The following APPBP2 variants were observed in gnomAD, a reference collection of about 807,000 sequenced individuals.
APPBP2 encodes the protein amyloid beta precursor protein binding protein 2.
In APPBP2, 15 loss-of-function variants were observed where a neutral mutation model predicts 76.0. That is an observed-to-expected ratio of 0.20 (90% CI 0.13 to 0.30). The LOEUF (loss-of-function observed/expected upper bound fraction) is 0.30. Among genes scored for constraint, APPBP2 ranks in the 10% least tolerant of loss-of-function variants. The pLI is 1.00. For synonymous variants in APPBP2, 222 were observed against 242.2 expected (o/e 0.92, Z 0.77); for missense variants, 401 against 687.2 (o/e 0.58, Z 4.66).
At chr17:60,487,998 A>T (rs554834629) in intron 3 of APPBP2, among the ~76,000 whole-genome samples, 1 of 152,344 alleles carries the variant, frequency 6.6e-6, no homozygotes, top group South Asian at 2.1e-4. Flanking sequence ...TCCACTCCAG[A>T]CCTTACTTGC....
At chr17:60,496,741 G>T (rs2090778576) in intron 2 of APPBP2, among the ~76,000 whole-genome samples, 1 of 151,712 alleles carries the variant, frequency 6.6e-6, no homozygotes, top group Non-Finnish European at 1.5e-5. Context: ...TTTTTTTTGA[G>T]ACAGAGTCTC....
chr17:60,477,636 A>T (rs1331793002), intron 4 of APPBP2: 1 of 152,152 alleles, frequency 6.6e-6, no homozygotes, highest in Non-Finnish European at 1.5e-5. Context: ...AATTTATCAT[A>T]CACTTCCAAA....
chr17:60,485,872 T>G (rs139653067), intron 3 of APPBP2, among the ~76,000 whole-genome samples: 524 of 152,356 alleles, frequency 3.4e-3, no homozygotes, highest in African/African-American at 9.2e-3. Context: ...CAGCTTTAAA[T>G]GTGTCCCAGA....
intron 3 of APPBP2, among the ~76,000 whole-genome samples, chr17:60,481,318 C>CA (rs1207445331): frequency 1.3e-5 from 2 of 152,144 alleles, no homozygotes; most frequent in African/African-American, 4.8e-5. Flanking sequence ...AGGCCAGGTA[C>CA]AGTGGCTCAT....
intron 1 of APPBP2, 85 bp from the exon 2 acceptor site, chr17:60,500,572 T>A: frequency 2.1e-6 from 2 of 956,234 alleles, no homozygotes; most frequent in Non-Finnish European, 3.2e-6. Flanking sequence ...GTAATTTGAT[T>A]AATTTCAGGA....
chr17:60,482,812 T>G (rs1567929058), intron 3 of APPBP2, among the ~76,000 whole-genome samples: 2 of 152,228 alleles, frequency 1.3e-5, no homozygotes, highest in South Asian at 4.1e-4. Context: ...TGCACCACAT[T>G]TTCTTAATCC....
intron 3 of APPBP2, among the ~76,000 whole-genome samples, chr17:60,479,648 T>A (rs1049319842): frequency 6.6e-6 from 1 of 152,182 alleles, no homozygotes; most frequent in African/African-American, 2.4e-5. Flanking sequence ...ATATACTTAG[T>A]ATAGCAGCAC....
At chr17:60,496,441 C>T (rs1241499462) in intron 2 of APPBP2, 1 of 152,148 alleles carries the variant, frequency 6.6e-6, no homozygotes, top group African/African-American at 2.4e-5. Flanking sequence ...TGAAAGATAA[C>T]CTAAGAGATG....
chr17:60,519,658 G>A (rs916533389), intron 1 of APPBP2, among the ~76,000 whole-genome samples: 1 of 151,306 alleles, frequency 6.6e-6, no homozygotes, highest in East Asian at 1.9e-4. Flanking sequence ...AGGAGGACTT[G>A]TCTCTTAAAA....
chr17:60,525,251 T>C (rs538980275), intron 1 of APPBP2, among the ~76,000 whole-genome samples: 6 of 151,842 alleles, frequency 4.0e-5, no homozygotes, highest in Non-Finnish European at 7.4e-5. Context: ...AATATGCAAA[T>C]AAAACACACA....
intron 1 of APPBP2, among the ~76,000 whole-genome samples, chr17:60,519,129 A>T (rs1296983539): frequency 4.8e-5 from 7 of 147,086 alleles, no homozygotes; most frequent in African/African-American, 1.0e-4. Context: ...ACCTGAATAA[A>T]TTTTTTTTTT....
chr17:60,497,103 T>C (rs555133606), intron 2 of APPBP2, among the ~76,000 whole-genome samples: 1 of 152,328 alleles, frequency 6.6e-6, no homozygotes, highest in East Asian at 1.9e-4. Context: ...TACTCACTGC[T>C]ATGGCCCCAG....
intron 5 of APPBP2, 88 bp from the exon 6 acceptor site, chr17:60,464,198 G>C (rs2090494891): frequency 2.2e-6 from 2 of 902,432 alleles, no homozygotes; most frequent in South Asian, 1.5e-5. Context: ...TTTTCTACAA[G>C]CACTTAAATA....
In APPBP2 at chr17:60,506,657, A is replaced by G. The variant is rs146105103; in HGVS notation, c.139-6170T>C. ...ATTATTCCATCACACTCTACATTCT[A>G]TGAGGTGACTACAGTCACCACTATA... On this transcript the variant is annotated intron_variant, in intron 1 of 12. Coordinates refer to ENST00000083182, the MANE Select transcript of APPBP2 (RefSeq NM_006380.5). Among the ~76,000 whole-genome samples, 23 of 152,290 alleles carry G rather than the reference A, an allele frequency of 1.5e-4. No homozygotes were observed. The East Asian group carries it at 4.1e-3, about 27-fold the overall frequency.
intron 4 of APPBP2, among the ~76,000 whole-genome samples, chr17:60,473,340 G>A (rs959102249): frequency 6.6e-6 from 1 of 152,102 alleles, no homozygotes; most frequent in Non-Finnish European, 1.5e-5. Flanking sequence ...CCACTAAGAT[G>A]AGAACTCTGT....
rs1375215739 is a variant in APPBP2 at position 60,525,911 on chromosome 17, C to T, written c.21G>A (p.Glu7=). 1.9e-6 allele frequency: 3 copies of T among 1,613,586 alleles called. No individual in the cohort carries two copies. The highest frequency in any genetic ancestry group is 1.3e-5 in the African/African-American group (1 of 74,900). ...TGTTATAGAGAGTCTCTGGGATCCA[C>T]TCTAGTTCCACGGCCGCCATCTTCC... MAAVEL[E]WIPETLYNTA... Residue 7 remains glutamate (E), a synonymous_variant, in exon 1 of 13, where the codon GAG becomes GAA. Transcript: ENST00000083182.
intron 1 of APPBP2, among the ~76,000 whole-genome samples, chr17:60,513,843 C>G (rs2090940445): frequency 6.7e-6 from 1 of 148,700 alleles, no homozygotes; most frequent in Non-Finnish European, 1.5e-5. Context: ...AAGAGTGAAA[C>G]TCCATCTCAG....
chr17:60,525,389 G>T (rs560533579), intron 1 of APPBP2, among the ~76,000 whole-genome samples: 1 of 152,326 alleles, frequency 6.6e-6, no homozygotes, highest in Admixed American at 6.5e-5. Flanking sequence ...GGAATGGGTG[G>T]GGGGAGGAGC....
At chr17:60,485,595 CTTT>C (rs144398592) in intron 3 of APPBP2, among the ~76,000 whole-genome samples, 114 of 152,120 alleles carry the variant, frequency 7.5e-4, no homozygotes, top group Admixed American at 1.1e-3. Flanking sequence ...TTCTTTTCTT[CTTT>C]ATTAGTCTTG....
Sources: gnomAD v4.1 joint callset for allele counts (sites outside exome capture counted in the v4.1 genomes callset) on GRCh38, gnomAD v4.1.1 for gene constraint, MANE v1.5 for transcripts, NCBI Gene and HGNC (gene_info 2026-07-23, HGNC 2026-07-21) for gene names.